NUP155: variants seen among roughly 807,000 people sequenced by gnomAD.
The protein encoded by NUP155 is nuclear pore complex protein Nup155.
A neutral mutation model predicts 180.4 loss-of-function variants in NUP155; 71 were observed. The ratio of observed to expected loss-of-function variants is 0.39; its 90% CI spans 0.33 to 0.48. NUP155 has a LOEUF of 0.48. Among genes scored for constraint, NUP155 ranks in the 20% least tolerant of loss-of-function variants. NUP155 has a pLI of 0.91. For synonymous variants in NUP155, 582 were observed against 559.5 expected (o/e 1.04, Z -0.57); for missense variants, 1,553 against 1,648.9 (o/e 0.94, Z 1.01).
At position 37,309,182 on chromosome 5, in the gene NUP155, T is replaced by G; in HGVS notation, c.2714A>C (p.Gln905Pro). ...RMLRESLKEY[Q>P]KISNQVDLSN... ...AAGGTCCACTTGATTGCTAATTTTT[T>G]GATATTCCTTTAATGATTCCCTTAA... Residue 905 changes from glutamine to proline, a missense_variant, in exon 24 of 35, where the codon CAA (glutamine) becomes CCA (proline). By Grantham distance (76) the Gln-to-Pro change is moderately conservative (BLOSUM62 -1). Coordinates refer to ENST00000231498, the MANE Select transcript of NUP155 (RefSeq NM_153485.3). 1 of 1,613,666 alleles carries G rather than the reference T, an allele frequency of 6.2e-7. No homozygotes were observed. Among genetic ancestry groups the G allele is most frequent in the Non-Finnish European group, 8.5e-7 (1 of 1,179,732 alleles).
Position 37,371,091 on chromosome 5 carries a change from G to A in NUP155, c.-114C>T, listed in dbSNP as rs551330424. The A allele has an allele frequency of 1.2e-3, 1,253 of 1,031,784 alleles. 3 individuals are homozygous for A. The highest frequency in any genetic ancestry group is 2.1e-3 in the Admixed American group (98 of 46,772). 63.9% of individuals were successfully genotyped at this position (1,031,784 alleles called of 1,614,324 possible). A position where few individuals can be genotyped will look rare whatever the true frequency, so the allele number is the denominator to read the frequency against. On this transcript the variant is annotated 5_prime_UTR_variant, in exon 1 of 35. Transcript: ENST00000231498. ...CCTAGGGCGCGCGCGCCAAACGAGC[G>A]CCTTGGCGCCTCGACATGACGCACT...
chr5:37,349,746 C>A (rs1173587162), intron 7 of NUP155, among the ~76,000 whole-genome samples: 2 of 152,024 alleles, frequency 1.3e-5, no homozygotes, highest in Non-Finnish European at 2.9e-5. Context: ...TCTTATTTTG[C>A]CAAAGCATTT....
At chr5:37,295,848 C>A (rs1209480908) in intron 32 of NUP155, among the ~76,000 whole-genome samples, 1 of 151,074 alleles carries the variant, frequency 6.6e-6, no homozygotes, top group Admixed American at 6.6e-5. Flanking sequence ...CCCCTCCGCC[C>A]GGCAGCCACC....
chr5:37,299,357 C>A, intron 31 of NUP155, 91 bp downstream of exon 31: 1 of 1,471,712 alleles, frequency 6.8e-7, no homozygotes, highest in Non-Finnish European at 9.5e-7. Context: ...GAGCCACTAG[C>A]AGCTTGCATT....
At chr5:37,365,750 T>C (rs867097573) in intron 1 of NUP155, among the ~76,000 whole-genome samples, 11 of 49,256 alleles carry the variant, frequency 2.2e-4, no homozygotes, top group African/African-American at 6.1e-4. Context: ...TATATATATA[T>C]ATACACACAC....
intron 1 of NUP155, 86 bp from the exon 2 acceptor site, chr5:37,364,470 T>G: frequency 8.6e-7 from 1 of 1,159,606 alleles, no homozygotes; most frequent in Non-Finnish European, 1.3e-6. Flanking sequence ...AAAAAATTGT[T>G]GTGTGTTGGT....
At chr5:37,342,954 C>T (rs957273755) in intron 9 of NUP155, among the ~76,000 whole-genome samples, 34 of 152,288 alleles carry the variant, frequency 2.2e-4, no homozygotes, top group Non-Finnish European at 4.4e-4. Context: ...CCAGGCTGGT[C>T]TTGAACTCCT....
chr5:37,359,373 A>G (rs1034820562), intron 3 of NUP155, among the ~76,000 whole-genome samples: 1 of 152,056 alleles, frequency 6.6e-6, no homozygotes, highest in Non-Finnish European at 1.5e-5. Context: ...ATCAAGTAAT[A>G]GCAATCTACT....
chr5:37,335,371 C>G (rs907961538), intron 12 of NUP155, among the ~76,000 whole-genome samples: 7 of 123,772 alleles, frequency 5.7e-5, no homozygotes, highest in African/African-American at 2.0e-4. Flanking sequence ...AGAGCAAAAC[C>G]CTGTCTCAGA....
rs553262610 is a variant in NUP155, at chr5:37,290,216, G to A, written c.*1684C>T. 1 of 152,284 alleles carries A rather than the reference G, an allele frequency of 6.6e-6. No individual in the cohort carries two copies. The highest frequency in any genetic ancestry group is 1.9e-4 in the East Asian group (1 of 5,184). 9.4% of individuals were successfully genotyped at this position (152,284 alleles called of 1,614,324 possible). Reference sequence around the variant, plus strand: ...GAATAGGCCAGGCACATTGGCTCACGTCTGTAATCTCAACACTTTGGGAGG... The same window carrying A: ...GAATAGGCCAGGCACATTGGCTCACATCTGTAATCTCAACACTTTGGGAGG... On this transcript the variant is annotated 3_prime_UTR_variant, in exon 35 of 35. Coordinates refer to ENST00000231498, the MANE Select transcript of NUP155 (RefSeq NM_153485.3).
At chr5:37,328,508 CT>C (rs1561788320) in intron 16 of NUP155, 88 bp from the exon 17 acceptor site, 1 of 1,030,910 alleles carries the variant, frequency 9.7e-7, no homozygotes. Context: ...AAGGTATTTC[CT>C]TTTTCTTTTT....
At chr5:37,361,015 T>C (rs1237288729) in intron 3 of NUP155, among the ~76,000 whole-genome samples, 1 of 151,988 alleles carries the variant, frequency 6.6e-6, no homozygotes, top group Non-Finnish European at 1.5e-5. Context: ...ATGCTTGTAA[T>C]CCCAGCACTT....
rs769531630 is a variant in NUP155 at position 37,342,640 on chromosome 5, G to A, written c.1002C>T (p.Ile334=). The change falls in exon 10 of 35, where the codon ATC becomes ATT. Residue 334 remains isoleucine, a synonymous_variant. Coordinates refer to ENST00000231498, the MANE Select transcript of NUP155 (RefSeq NM_153485.3). Reference sequence around the variant, plus strand: ...CAATTGGTTTAAAAACAGAACGATCGATGGTCCTAAAAGAAAGGAGAAAAT... The same window carrying A: ...CAATTGGTTTAAAAACAGAACGATCAATGGTCCTAAAAGAAAGGAGAAAAT... The part of the protein sequence containing the change: ...VSAAGNIART[I]DRSVFKPIVQ... 1.1e-5 allele frequency: 18 copies of A among 1,599,314 alleles called. No homozygotes were observed. Among genetic ancestry groups the A allele is most frequent in the African/African-American group, 1.1e-4 (8 of 74,644 alleles).
intron 13 of NUP155, 86 bp from the exon 14 acceptor site, chr5:37,331,881 A>G: frequency 2.3e-6 from 2 of 862,988 alleles, no homozygotes; most frequent in Non-Finnish European, 3.9e-6. Flanking sequence ...GATAAAATAA[A>G]TGAAACAAAC....
At chr5:37,329,403 TTGTGCTGACAG>T in intron 15 of NUP155, 125 bp from the exon 16 acceptor site, 1 of 740,144 alleles carries the variant, frequency 1.4e-6, no homozygotes, top group Non-Finnish European at 2.5e-6. Context: ...CTTCAATGTA[TTGTGCTGACAG>T]TAAAGTATAT....
chr5:37,346,205 G>C (rs968789378), intron 9 of NUP155, among the ~76,000 whole-genome samples: 3 of 151,448 alleles, frequency 2.0e-5, no homozygotes, highest in African/African-American at 7.3e-5. Flanking sequence ...GTCAGCCCAG[G>C]AAATTGAGGC....
chr5:37,335,753 C>G (rs1214392873), intron 12 of NUP155, among the ~76,000 whole-genome samples: 1 of 151,994 alleles, frequency 6.6e-6, no homozygotes, highest in Non-Finnish European at 1.5e-5. Flanking sequence ...AATTCGAGAC[C>G]AGCAGGGGCT....
chr5:37,327,111 T>C (rs1177000957), intron 18 of NUP155: 1 of 173,018 alleles, frequency 5.8e-6, no homozygotes, highest in Non-Finnish European at 1.2e-5. Flanking sequence ...GAATATAGTG[T>C]ATAACACATA....
rs537661749 is a variant in NUP155 at position 37,296,410 on chromosome 5, G to A, written c.3794-1945C>T. Among the ~76,000 whole-genome samples the A allele has an allele frequency of 2.6e-5, 4 of 152,102 alleles. No homozygotes were observed. The South Asian group carries it at 8.3e-4, about 32-fold the overall frequency. On this transcript the variant is annotated intron_variant, in intron 32 of 34. Coordinates refer to ENST00000231498, the MANE Select transcript of NUP155 (RefSeq NM_153485.3). ...CTGTGCTCTCTGAAACATGTGCTGT[G>A]TCCACTCAGGGTTAAATGGATTAAG...
Sources: gnomAD v4.1 joint callset for allele counts (sites outside exome capture counted in the v4.1 genomes callset) on GRCh38, gnomAD v4.1.1 for gene constraint, MANE v1.5 for transcripts, NCBI Gene and HGNC (gene_info 2026-07-23, HGNC 2026-07-21) for gene names.